The following FMO4 variants were observed in gnomAD, a reference collection of about 807,000 sequenced individuals.
The protein encoded by FMO4 is flavin containing dimethylaniline monoxygenase 4.
FMO4 carries 38 observed loss-of-function variants against 43.3 expected under a neutral mutation model. That is an observed-to-expected ratio of 0.88 (90% CI 0.68 to 1.15). FMO4 has a LOEUF of 1.15. FMO4 is among the 50% of genes most tolerant of loss of function. FMO4 has a pLI of 0.00. For missense variants in FMO4, 631 were observed against 663.3 expected (o/e 0.95, Z 0.54); for synonymous variants, 224 against 232.2 (o/e 0.96, Z 0.32).
intron 1 of FMO4, among the ~76,000 whole-genome samples, chr1:171,315,009 A>G (rs927796082): frequency 9.2e-5 from 14 of 152,122 alleles, no homozygotes; most frequent in African/African-American, 1.9e-4. Flanking sequence ...TAAGCAACCT[A>G]TGGCTGGCAC....
intron 8 of FMO4, among the ~76,000 whole-genome samples, chr1:171,335,056 C>G (rs939457797): frequency 1.1e-4 from 17 of 152,156 alleles, no homozygotes; most frequent in Admixed American, 1.1e-3. Flanking sequence ...CTAGTCTAAT[C>G]TATCTACTCC....
chr1:171,334,847 T>C lies in FMO4; in HGVS notation c.1180+84T>C, dbSNP rs962643234. 1.5e-5 allele frequency: 11 copies of C among 721,656 alleles called. No individual in the cohort carries two copies. The Admixed American group carries it at 3.4e-4, about 22-fold the overall frequency. The allele number at this position is 721,656 out of a possible 1,614,324, so 44.7% of individuals were successfully genotyped here. On this transcript the variant is annotated intron_variant, in intron 8 of 9. Transcript: ENST00000367749. ...TAGCTAAAATCAAACAGATGTGAAC[T>C]AAAGTAACAAAATATTTTTAACATT...
At chr1:171,335,700 G>A (rs765079203) in intron 8 of FMO4, among the ~76,000 whole-genome samples, 12 of 151,956 alleles carry the variant, frequency 7.9e-5, no homozygotes, top group Non-Finnish European at 1.2e-4. Flanking sequence ...ACTTAAAACC[G>A]TACGTTCTCC....
At position 171,324,449 on chromosome 1, in the gene FMO4, T is replaced by C. The variant is rs1662577325; in HGVS notation, c.484+149T>C. On this transcript the variant is annotated intron_variant, in intron 5 of 9. Transcript: ENST00000367749. ...AATATGTGCAAAATTACTTTAAAAG[T>C]TGTATAACGCACTATGTAGGTGTCA... 4 of 586,488 alleles carry C rather than the reference T, an allele frequency of 6.8e-6. No homozygotes were observed. In the East Asian group the frequency reaches 1.1e-4, roughly 16 times the overall value. The allele number at this position is 586,488 out of a possible 1,614,324, so 36.3% of individuals were successfully genotyped here. A position where few individuals can be genotyped will look rare whatever the true frequency, so the allele number is the denominator to read the frequency against.
At position 171,342,069 on chromosome 1, in the gene FMO4, T is replaced by C. The variant is rs1571419397; in HGVS notation, c.*230T>C. 2.0e-6 allele frequency: 1 copy of C among 497,882 alleles called. No homozygotes were observed. Among genetic ancestry groups the C allele is most frequent in the Non-Finnish European group, 3.6e-6 (1 of 279,204 alleles). The allele number at this position is 497,882 out of a possible 1,614,324, so 30.8% of individuals were successfully genotyped here. On this transcript the variant is annotated 3_prime_UTR_variant, in exon 10 of 10. Transcript: ENST00000367749. ...CTCAGTGATTATTCTAAAATAAATA[T>C]ATATGATATGGTTTAGCTGTGTCCC... is the stretch of plus-strand genomic sequence containing the variant.
Position 171,341,867 on chromosome 1 carries a change from G to A in FMO4, c.*28G>A. On this transcript the variant is annotated 3_prime_UTR_variant, in exon 10 of 10. Transcript: ENST00000367749. ...CTGATTGTTACAAGGGTTACACAAA[G>A]TCATGCTAATTCTATCTCCAAGTAT... 6.4e-7 allele frequency: 1 copy of A among 1,554,574 alleles called. No homozygotes were observed. The highest frequency in any genetic ancestry group is 2.3e-5 in the East Asian group (1 of 44,392).
In FMO4 at chr1:171,339,788, G is replaced by A. The variant is rs530551371; in HGVS notation, c.1251-1625G>A. ...AAGCTGGAAGTTCAAGCCACAGACC[G>A]AGAGGAAAATAAACAGATGGCCTTG... On this transcript the variant is annotated intron_variant, in intron 9 of 9. Coordinates refer to ENST00000367749, the MANE Select transcript of FMO4 (RefSeq NM_002022.3). Among the ~76,000 whole-genome samples the A allele has an allele frequency of 5.3e-5, 8 of 152,186 alleles. No individual in the cohort carries two copies. The East Asian group carries it at 1.2e-3, about 22-fold the overall frequency.
chr1:171,329,924 T>G lies in FMO4; in HGVS notation c.485-1716T>G, dbSNP rs114328717. ...TAGGCAAAGAATCCTGTTAAAACAT[T>G]TTGTTATACAATCTACTTCTTGCCC... is the stretch of plus-strand genomic sequence containing the variant. On this transcript the variant is annotated intron_variant, in intron 5 of 9. Coordinates refer to ENST00000367749, the MANE Select transcript of FMO4 (RefSeq NM_002022.3). Among the ~76,000 whole-genome samples the G allele has an allele frequency of 1.0e-2, 1,517 of 152,294 alleles. 26 individuals carry two copies. Among genetic ancestry groups the G allele is most frequent in the African/African-American group, 0.033 (1,390 of 41,546 alleles).
At chr1:171,318,973 G>C (rs1662301775) in intron 2 of FMO4, among the ~76,000 whole-genome samples, 1 of 152,160 alleles carries the variant, frequency 6.6e-6, no homozygotes, top group African/African-American at 2.4e-5. Context: ...CCCCACAGTA[G>C]GATCTAGAGG....
intron 6 of FMO4, 121 bp downstream of exon 6, chr1:171,331,903 G>GTA: frequency 1.3e-6 from 1 of 763,708 alleles, no homozygotes; most frequent in Non-Finnish European, 2.1e-6. Context: ...ACAGTAAGTG[G>GTA]GAAAAAAAAA....
intron 2 of FMO4, among the ~76,000 whole-genome samples, chr1:171,317,693 G>A (rs1448826367): frequency 1.3e-5 from 2 of 152,110 alleles, no homozygotes; most frequent in Admixed American, 6.5e-5. Context: ...TGACATCATC[G>A]TGGGCTCTAG....
Position 171,341,898 on chromosome 1 carries a change from G to A in FMO4, c.*59G>A, listed in dbSNP as rs574766361. The A allele has an allele frequency of 2.2e-5, 30 of 1,379,090 alleles. No individual in the cohort carries two copies. The South Asian group carries it at 3.7e-4, about 17-fold the overall frequency. The allele number at this position is 1,379,090 out of a possible 1,614,324, so 85.4% of individuals were successfully genotyped here. Reference sequence around the variant, plus strand: ...CTAATTCTATCTCCAAGTATCTTGTGCATCCCTCCTCTGCTCTCCATCATA... The same window carrying A: ...CTAATTCTATCTCCAAGTATCTTGTACATCCCTCCTCTGCTCTCCATCATA... On this transcript the variant is annotated 3_prime_UTR_variant, in exon 10 of 10. Coordinates refer to ENST00000367749, the MANE Select transcript of FMO4 (RefSeq NM_002022.3).
At chr1:171,316,717 A>AT in intron 2 of FMO4, among the ~76,000 whole-genome samples, 1 of 152,268 alleles carries the variant, frequency 6.6e-6, no homozygotes, top group East Asian at 1.9e-4. Context: ...AAAATGATGC[A>AT]TTTTTTAATA....
In FMO4 at chr1:171,341,847, TGTTACAAGGGTTACACAAA is replaced by T. The variant is rs773368836; in HGVS notation, c.*11_*29del. The T allele has an allele frequency of 6.2e-7, 1 of 1,603,032 alleles. No individual in the cohort carries two copies. The highest frequency in any genetic ancestry group is 1.7e-5 in the Admixed American group (1 of 59,494). Reference sequence around the variant, plus strand: ...AGTCTTTGGCGAGGATGAACCTGATTGTTACAAGGGTTACACAAAGTCATGCTAATTCTATCTCCAAGTA... The same window carrying T: ...AGTCTTTGGCGAGGATGAACCTGATTGTCATGCTAATTCTATCTCCAAGTA... On this transcript the variant is annotated 3_prime_UTR_variant, in exon 10 of 10. Coordinates refer to ENST00000367749, the MANE Select transcript of FMO4 (RefSeq NM_002022.3).
In FMO4 at chr1:171,341,790, A is replaced by C. The variant is rs1296461722; in HGVS notation, c.1628A>C (p.Lys543Thr). Residue 543 changes from lysine to threonine, a missense_variant, in exon 10 of 10, where the codon AAA becomes ACA. Physicochemically the swap from Lys to Thr is moderately conservative, Grantham distance 78. Coordinates refer to ENST00000367749, the MANE Select transcript of FMO4 (RefSeq NM_002022.3). ...SSLFLKLVRD[K>T]LQDRMSPYLV... The stretch of plus-strand genomic sequence containing the variant: ...CTTTTCTTGAAATTGGTGAGAGATA[A>C]ACTACAGGACAGAATGTCCCCTTAC... 2.5e-6 allele frequency: 4 copies of C among 1,613,902 alleles called. No individual in the cohort carries two copies. The highest frequency in any genetic ancestry group is 3.4e-6 in the Non-Finnish European group (4 of 1,179,932).
intron 9 of FMO4, among the ~76,000 whole-genome samples, chr1:171,339,753 A>G (rs2101910566): frequency 6.6e-6 from 1 of 152,332 alleles, no homozygotes; most frequent in Non-Finnish European, 1.5e-5. Context: ...GACTGGAGGA[A>G]CAGTTGATGA....
intron 2 of FMO4, 143 bp from the exon 3 acceptor site, chr1:171,319,674 TG>T: frequency 1.5e-6 from 1 of 648,812 alleles, no homozygotes; most frequent in Non-Finnish European, 2.6e-6. Context: ...TTTCAGAGCC[TG>T]GATTTTTAAG....
At chr1:171,332,590 C>A in intron 6 of FMO4, 119 bp from the exon 7 acceptor site, 1 of 750,388 alleles carries the variant, frequency 1.3e-6, no homozygotes, top group Non-Finnish European at 2.2e-6. Flanking sequence ...TGTACAAATT[C>A]ACCAATCCTC....
At chr1:171,335,410 C>T (rs1300391039) in intron 8 of FMO4, among the ~76,000 whole-genome samples, 8 of 152,154 alleles carry the variant, frequency 5.3e-5, no homozygotes, top group African/African-American at 4.8e-5. Context: ...ATAACTAACG[C>T]GTATTAAGTG....
Sources: allele counts gnomAD v4.1 joint callset (sites outside exome capture counted in the v4.1 genomes callset), GRCh38; gene constraint gnomAD v4.1.1; transcripts MANE v1.5; gene names NCBI Gene and HGNC (gene_info 2026-07-23, HGNC 2026-07-21).